IMMP2L: variants seen among roughly 807,000 people sequenced by gnomAD.
IMMP2L encodes the protein mitochondrial inner membrane protease subunit 2.
A neutral mutation model predicts 19.3 loss-of-function variants in IMMP2L; 18 were observed. The ratio of observed to expected loss-of-function variants is 0.93; its 90% CI spans 0.64 to 1.38. The LOEUF (loss-of-function observed/expected upper bound fraction) is 1.38. Ranked by LOEUF, IMMP2L falls within the 40% of genes most tolerant of loss-of-function variation. The pLI is 0.00. For missense variants in IMMP2L, 233 were observed against 218.2 expected (o/e 1.07, Z -0.43); for synonymous variants, 76 against 73.0 (o/e 1.04, Z -0.21).
intron 1 of IMMP2L, among the ~76,000 whole-genome samples, chr7:111,556,768 T>C (rs1286198033): frequency 1.3e-4 from 20 of 152,268 alleles, no homozygotes; most frequent in Non-Finnish European, 2.4e-4. Flanking sequence ...AATTCCTCTA[T>C]GTACTTTTAT....
In IMMP2L at chr7:110,873,534, C is replaced by T. The variant is rs868007478; in HGVS notation, c.408+13059G>A. On this transcript the variant is annotated intron_variant, in intron 5 of 5. Coordinates refer to ENST00000405709, the MANE Select transcript of IMMP2L (RefSeq NM_032549.4). ...ATCCCAGCATTTTGGGAGGCTGAGG[C>T]GGGCGGATTACCTGAGGTCAGGAGT... Among the ~76,000 whole-genome samples the T allele has an allele frequency of 1.8e-4, 26 of 142,430 alleles. 2 individuals are homozygous for T. The highest frequency in any genetic ancestry group is 5.4e-4 in the African/African-American group (21 of 38,720). The allele number at this position is 142,430 out of a possible 152,430, so 93.4% of individuals were successfully genotyped here.
At chr7:110,939,535 A>C (rs1284482694) in intron 4 of IMMP2L, among the ~76,000 whole-genome samples, 1 of 152,144 alleles carries the variant, frequency 6.6e-6, no homozygotes, top group Admixed American at 6.6e-5. Context: ...TCACCTGTAA[A>C]GTTAGTGTTG....
chr7:111,096,508 TA>T (rs5886589), intron 3 of IMMP2L, among the ~76,000 whole-genome samples: 5,744 of 144,770 alleles, frequency 0.04, 346 homozygotes, highest in African/African-American at 0.14. Context: ...GAGTTAAATT[TA>T]AAAAAAAAAA....
chr7:110,977,482 C>T (rs985848037), intron 3 of IMMP2L, among the ~76,000 whole-genome samples: 15 of 152,012 alleles, frequency 9.9e-5, no homozygotes, highest in African/African-American at 3.6e-4. Flanking sequence ...GGGTCTAATT[C>T]CTACTTTAAG....
intron 3 of IMMP2L, among the ~76,000 whole-genome samples, chr7:111,181,371 CTTAT>C (rs1406105132): frequency 6.6e-6 from 1 of 151,994 alleles, no homozygotes; most frequent in Non-Finnish European, 1.5e-5. Context: ...CTGCTATTTT[CTTAT>C]TTGTTTGTTT....
intron 5 of IMMP2L, among the ~76,000 whole-genome samples, chr7:110,832,544 C>G (rs1804067002): frequency 6.6e-6 from 1 of 152,068 alleles, no homozygotes; most frequent in Admixed American, 6.6e-5. Context: ...TTTTCTGTAG[C>G]TTTACTTGGC....
intron 3 of IMMP2L, among the ~76,000 whole-genome samples, chr7:111,456,401 T>G (rs570382580): frequency 5.3e-5 from 8 of 152,002 alleles, no homozygotes; most frequent in African/African-American, 1.9e-4. Flanking sequence ...AATCCTAGAT[T>G]AGTTAACAGC....
At position 111,549,940 on chromosome 7, in the gene IMMP2L, CAA is replaced by C. The variant is rs758510157; in HGVS notation, c.-3+11909_-3+11910del. 3.3e-3 allele frequency among the ~76,000 whole-genome samples: 287 copies of C among 86,794 alleles called. 2 individuals carry two copies. Among genetic ancestry groups the C allele is most frequent in the African/African-American group, 0.01 (265 of 26,334 alleles). The allele number at this position is 86,794 out of a possible 152,430, so 56.9% of individuals were successfully genotyped here. ...TGGATGACAGAGCGAGACTCCGTGT[CAA>C]AAAAAAAAAAAAAAACATAGTGAGA... On this transcript the variant is annotated intron_variant, in intron 1 of 5. Transcript: ENST00000405709.
chr7:111,183,685 CTT>C (rs1807961778), intron 3 of IMMP2L, among the ~76,000 whole-genome samples: 1 of 152,032 alleles, frequency 6.6e-6, no homozygotes, highest in South Asian at 2.1e-4. Context: ...AGCAGTGTGA[CTT>C]CTCTCATTTT....
At chr7:111,296,893 A>T (rs773711495) in intron 3 of IMMP2L, among the ~76,000 whole-genome samples, 5 of 152,046 alleles carry the variant, frequency 3.3e-5, no homozygotes, top group Non-Finnish European at 7.4e-5. Context: ...AACACCTTGG[A>T]TGGATATCAA....
chr7:111,423,010 T>A (rs1294665562), intron 3 of IMMP2L, among the ~76,000 whole-genome samples: 1 of 151,914 alleles, frequency 6.6e-6, no homozygotes, highest in Non-Finnish European at 1.5e-5. Context: ...GTTTAAGTGA[T>A]GGATTACGTT....
intron 3 of IMMP2L, among the ~76,000 whole-genome samples, chr7:111,142,597 T>G (rs1274692392): frequency 6.6e-6 from 1 of 152,102 alleles, no homozygotes; most frequent in Non-Finnish European, 1.5e-5. Flanking sequence ...TTTACAGGGA[T>G]TCAGGTAGAA....
chr7:111,556,667 A>G (rs968414717), intron 1 of IMMP2L, among the ~76,000 whole-genome samples: 2 of 152,122 alleles, frequency 1.3e-5, no homozygotes, highest in African/African-American at 4.8e-5. Context: ...CTCCTTCAGC[A>G]TCTTTACATC....
chr7:110,837,701 A>G (rs1804641337), intron 5 of IMMP2L, among the ~76,000 whole-genome samples: 1 of 152,254 alleles, frequency 6.6e-6, no homozygotes, highest in South Asian at 2.1e-4. Flanking sequence ...TACTTAAGAG[A>G]AAACCGATTT....
chr7:110,977,380 C>G lies in IMMP2L; in HGVS notation c.240-13815G>C, dbSNP rs571341946. Reference sequence around the variant, plus strand: ...TGATCCCCAAATATTACTGTAGAGGCCCCATGAACTACTAAACATAAGCGG... The same window carrying G: ...TGATCCCCAAATATTACTGTAGAGGGCCCATGAACTACTAAACATAAGCGG... On this transcript the variant is annotated intron_variant, in intron 3 of 5. Transcript: ENST00000405709. Among the ~76,000 whole-genome samples, 64 of 151,956 alleles carry G rather than the reference C, an allele frequency of 4.2e-4. 1 individual carries two copies. The East Asian group carries it at 0.011, about 27-fold the overall frequency.
chr7:110,696,599 G>C (rs1248514300), intron 5 of IMMP2L, among the ~76,000 whole-genome samples: 2 of 151,944 alleles, frequency 1.3e-5, no homozygotes, highest in South Asian at 2.1e-4. Context: ...GCTGATTTTT[G>C]TATTTTTAGT....
chr7:110,723,976 AT>A (rs1795737004), intron 5 of IMMP2L, among the ~76,000 whole-genome samples: 1 of 152,158 alleles, frequency 6.6e-6, no homozygotes, highest in South Asian at 2.1e-4. Context: ...GAAAGAGCTT[AT>A]AAGTAATTTA....
At chr7:111,127,864 A>G (rs1801469279) in intron 3 of IMMP2L, among the ~76,000 whole-genome samples, 1 of 152,198 alleles carries the variant, frequency 6.6e-6, no homozygotes, top group African/African-American at 2.4e-5. Context: ...ACTACAAAAT[A>G]AAATTAAGAT....
intron 4 of IMMP2L, among the ~76,000 whole-genome samples, chr7:110,958,030 C>G (rs1275249797): frequency 6.6e-6 from 1 of 151,774 alleles, no homozygotes; most frequent in African/African-American, 2.4e-5. Flanking sequence ...TAGACCAGTG[C>G]TTTTTAAATG....
Sources: allele counts gnomAD v4.1 joint callset (sites outside exome capture counted in the v4.1 genomes callset), GRCh38; gene constraint gnomAD v4.1.1; transcripts MANE v1.5; gene names NCBI Gene and HGNC (gene_info 2026-07-23, HGNC 2026-07-21).